WAC: variants seen among roughly 807,000 people sequenced by gnomAD.
The protein encoded by WAC is WW domain-containing adapter protein with coiled-coil.
In WAC, 11 loss-of-function variants were observed where a neutral mutation model predicts 79.6. That is an observed-to-expected ratio of 0.14 (90% CI 0.09 to 0.23). WAC has a LOEUF of 0.23. WAC is among the 10% of genes least tolerant of loss of function. The pLI, the probability that WAC is intolerant of heterozygous loss-of-function variation, is 1.00. For synonymous variants in WAC, 304 were observed against 276.9 expected (o/e 1.10, Z -0.97); for missense variants, 728 against 773.5 (o/e 0.94, Z 0.70).
At chr10:28,619,418 T>G in intron 13 of WAC, 119 bp from the exon 14 acceptor site, 1 of 726,352 alleles carries the variant, frequency 1.4e-6, no homozygotes, top group Non-Finnish European at 2.2e-6. Flanking sequence ...TTTTTTAAAT[T>G]TCTTTGCCTT....
chr10:28,544,190 G>T (rs1241306622), intron 3 of WAC, among the ~76,000 whole-genome samples: 1 of 152,144 alleles, frequency 6.6e-6, no homozygotes, highest in Non-Finnish European at 1.5e-5. Flanking sequence ...CTTCTTTCCA[G>T]ATTTTTTGTA....
At chr10:28,603,504 C>G (rs1052171134) in intron 7 of WAC, among the ~76,000 whole-genome samples, 1 of 152,122 alleles carries the variant, frequency 6.6e-6, no homozygotes, top group African/African-American at 2.4e-5. Flanking sequence ...GTGTTTAGCT[C>G]TTTTCAAAGA....
At chr10:28,553,071 CGAATG>C (rs1178600230) in intron 3 of WAC, among the ~76,000 whole-genome samples, 2 of 151,698 alleles carry the variant, frequency 1.3e-5, no homozygotes, top group Non-Finnish European at 2.9e-5. Context: ...TGTGTGGAGA[CGAATG>C]GAATATTTTC....
chr10:28,609,746 C>T (rs332170), intron 8 of WAC, among the ~76,000 whole-genome samples: 87,530 of 151,714 alleles, frequency 0.58, 25,794 homozygotes, highest in East Asian at 0.67. Context: ...TGGTGGTGAA[C>T]GCCTGTAGTT....
intron 3 of WAC, among the ~76,000 whole-genome samples, chr10:28,547,602 T>TG (rs1260438068): frequency 2.6e-5 from 4 of 152,122 alleles, no homozygotes; most frequent in Non-Finnish European, 5.9e-5. Context: ...CATTGGGAAA[T>TG]GTCTTCATTT....
chr10:28,552,161 A>G (rs1289281638), intron 3 of WAC, among the ~76,000 whole-genome samples: 3 of 152,176 alleles, frequency 2.0e-5, no homozygotes, highest in Non-Finnish European at 2.9e-5. Flanking sequence ...AAATCAATAC[A>G]TTATTTGTTA....
At chr10:28,580,334 A>C (rs1839469400) in intron 3 of WAC, among the ~76,000 whole-genome samples, 1 of 152,192 alleles carries the variant, frequency 6.6e-6, no homozygotes, top group African/African-American at 2.4e-5. Flanking sequence ...GTTTTCATTG[A>C]CTTCAGGAAT....
chr10:28,538,364 C>T (rs1460256398), intron 3 of WAC: 13 of 282,244 alleles, frequency 4.6e-5, no homozygotes, highest in South Asian at 8.1e-5. Context: ...GGCAGATCAC[C>T]TGAGGTCAGG....
chr10:28,616,782 A>T (rs141165607), intron 12 of WAC, among the ~76,000 whole-genome samples: 2 of 152,316 alleles, frequency 1.3e-5, no homozygotes, highest in East Asian at 3.9e-4. Context: ...TTCCATTAGC[A>T]CTGTTAATCT....
chr10:28,541,861 G>C (rs12261524), intron 3 of WAC, among the ~76,000 whole-genome samples: 1 of 151,988 alleles, frequency 6.6e-6, no homozygotes, highest in South Asian at 2.1e-4. Context: ...TTCTGCAAGA[G>C]CCCCCTAGTG....
At chr10:28,606,773 G>C (rs1840975686) in intron 7 of WAC, among the ~76,000 whole-genome samples, 1 of 152,182 alleles carries the variant, frequency 6.6e-6, no homozygotes, top group Non-Finnish European at 1.5e-5. Flanking sequence ...ACATATATCT[G>C]AGTTTCACTG....
In WAC at chr10:28,622,325, T is replaced by C. The variant is rs1841721613; in HGVS notation, c.*2719T>C. 1 of 150,634 alleles carries C rather than the reference T, an allele frequency of 6.6e-6. No individual in the cohort carries two copies. The highest frequency in any genetic ancestry group is 1.5e-5 in the Non-Finnish European group (1 of 67,810). 9.3% of individuals were successfully genotyped at this position (150,634 alleles called of 1,614,324 possible). On this transcript the variant is annotated 3_prime_UTR_variant, in exon 14 of 14. Coordinates refer to ENST00000354911, the MANE Select transcript of WAC (RefSeq NM_016628.5). ...GTTCTGGACTAGAGTATTCCTTATC[T>C]AGTTGGTTATGGATTTGAACATGTA...
Position 28,619,523 on chromosome 10 carries a change from C to CT in WAC, c.1875-4dup, listed in dbSNP as rs372119062. The CT allele has an allele frequency of 0.02, 23,751 of 1,200,170 alleles. No homozygotes were observed. Among genetic ancestry groups the CT allele is most frequent in the South Asian group, 0.03 (1,799 of 60,536 alleles). 74.3% of individuals were successfully genotyped at this position (1,200,170 alleles called of 1,614,324 possible). A position where few individuals can be genotyped will look rare whatever the true frequency, so the allele number is the denominator to read the frequency against. The stretch of plus-strand genomic sequence containing the variant: ...ATATGTACACAGGTTCTAATGTCTG[C>CT]TTTTTTTTTTCAGGATACTATTTTT... On this transcript the variant is annotated splice_polypyrimidine_tract_variant and intron_variant, in intron 13 of 13. Transcript: ENST00000354911.
At chr10:28,611,524 C>T (rs1841235438) in intron 9 of WAC, 14 of 1,377,382 alleles carry the variant, frequency 1.0e-5, no homozygotes, top group African/African-American at 1.5e-5. Flanking sequence ...GGCCTAGCTT[C>T]CTGTTCCAGC....
At chr10:28,536,186 G>A (rs183824866) in intron 3 of WAC, among the ~76,000 whole-genome samples, 98 of 151,142 alleles carry the variant, frequency 6.5e-4, no homozygotes, top group African/African-American at 2.1e-3. Flanking sequence ...GGTGGAGGTT[G>A]CAGTCAGCCT....
chr10:28,556,194 G>A (rs756441162), intron 3 of WAC, among the ~76,000 whole-genome samples: 1 of 151,858 alleles, frequency 6.6e-6, no homozygotes, highest in African/African-American at 2.4e-5. Context: ...GTGTACAAAG[G>A]TTCCCTCCTC....
At chr10:28,583,846 T>C (rs1839667676) in intron 4 of WAC, among the ~76,000 whole-genome samples, 1 of 152,164 alleles carries the variant, frequency 6.6e-6, no homozygotes, top group African/African-American at 2.4e-5. Flanking sequence ...TTACTTTCTT[T>C]CCATAGTGTA....
intron 3 of WAC, among the ~76,000 whole-genome samples, chr10:28,553,201 C>T (rs1837787413): frequency 1.3e-5 from 2 of 152,100 alleles, no homozygotes; most frequent in Admixed American, 6.5e-5. Flanking sequence ...ATTTTCACAA[C>T]TATTATAAAC....
intron 3 of WAC, chr10:28,537,476 T>C (rs1353410828): frequency 6.6e-6 from 1 of 152,232 alleles, no homozygotes; most frequent in Non-Finnish European, 1.5e-5. Flanking sequence ...TAGGCTCTTA[T>C]TTTAGTGACT....
Sources: gnomAD v4.1 joint callset for allele counts (sites outside exome capture counted in the v4.1 genomes callset) on GRCh38, gnomAD v4.1.1 for gene constraint, MANE v1.5 for transcripts, NCBI Gene and HGNC (gene_info 2026-07-23, HGNC 2026-07-21) for gene names.